ITGAV: variants seen among roughly 807,000 people sequenced by gnomAD.
ITGAV encodes the protein integrin alpha-V.
Under a neutral mutation model 143.8 loss-of-function variants are expected in ITGAV, and 76 were observed. That is an observed-to-expected ratio of 0.53 (90% CI 0.44 to 0.64). The LOEUF (loss-of-function observed/expected upper bound fraction) is 0.64, where lower values mean the gene tolerates loss of function less well. Ranked by LOEUF, ITGAV falls within the 30% of genes least tolerant of loss-of-function variation. The probability of loss-of-function intolerance (pLI) is 0.00; values close to 1 mark genes in which losing one functional copy is unlikely to be tolerated. For synonymous variants in ITGAV, 453 were observed against 446.7 expected (o/e 1.01, Z -0.18); for missense variants, 1,193 against 1,274.7 (o/e 0.94, Z 0.98).
intron 5 of ITGAV, among the ~76,000 whole-genome samples, chr2:186,632,916 C>G (rs1481471131): frequency 6.6e-6 from 1 of 151,662 alleles, no homozygotes; most frequent in Non-Finnish European, 1.5e-5. Flanking sequence ...AGAAAAGATA[C>G]AGTGAAAACC....
At chr2:186,624,502 G>A (rs933141112) in intron 3 of ITGAV, among the ~76,000 whole-genome samples, 25 of 152,168 alleles carry the variant, frequency 1.6e-4, no homozygotes, top group Admixed American at 1.2e-3. Context: ...GGAGCGTCAA[G>A]TACGTGTAGA....
intron 10 of ITGAV, among the ~76,000 whole-genome samples, chr2:186,640,680 A>G (rs534192557): frequency 2.0e-5 from 3 of 152,298 alleles, no homozygotes; most frequent in East Asian, 3.9e-4. Flanking sequence ...AAGGATATAC[A>G]TGTAATATAT....
intron 4 of ITGAV, among the ~76,000 whole-genome samples, chr2:186,627,501 C>A (rs1028527101): frequency 6.6e-6 from 1 of 152,166 alleles, no homozygotes; most frequent in Non-Finnish European, 1.5e-5. Flanking sequence ...AACATGCGTT[C>A]TAACAATGAT....
Position 186,677,310 on chromosome 2 carries a change from T to G in ITGAV, c.*18T>G. 1.3e-6 allele frequency: 2 copies of G among 1,566,226 alleles called. No homozygotes were observed. Among genetic ancestry groups the G allele is most frequent in the Non-Finnish European group, 1.8e-6 (2 of 1,138,626 alleles). On this transcript the variant is annotated 3_prime_UTR_variant, in exon 30 of 30. Coordinates refer to ENST00000261023, the MANE Select transcript of ITGAV (RefSeq NM_002210.5). Reference sequence around the variant, plus strand: ...AAACTTAACTGCAGTTTTTAAGTTATGCTACATCTTGACCCACTAGAATTA... The same window carrying G: ...AAACTTAACTGCAGTTTTTAAGTTAGGCTACATCTTGACCCACTAGAATTA...
intron 26 of ITGAV, among the ~76,000 whole-genome samples, chr2:186,671,581 A>G (rs1017933888): frequency 2.6e-5 from 4 of 152,162 alleles, no homozygotes; most frequent in Non-Finnish European, 5.9e-5. Flanking sequence ...TTGATCTTGC[A>G]CTTTCTGTCC....
chr2:186,632,194 T>G (rs1195431409), intron 5 of ITGAV, among the ~76,000 whole-genome samples: 1 of 152,136 alleles, frequency 6.6e-6, no homozygotes, highest in African/African-American at 2.4e-5. Flanking sequence ...CAAAGAGAGA[T>G]AAAGTATATT....
rs372915203 is a variant in ITGAV at position 186,609,970 on chromosome 2, A to G, written c.316+7819A>G. 9.9e-5 allele frequency among the ~76,000 whole-genome samples: 15 copies of G among 152,216 alleles called. No individual in the cohort carries two copies. The East Asian group carries it at 2.7e-3, about 27-fold the overall frequency. ...TTTACCATTAAATCTTAATGCATAT[A>G]GAGTATTATATTAGAGATAGAAGGA... On this transcript the variant is annotated intron_variant, in intron 2 of 29. Transcript: ENST00000261023.
At chr2:186,657,160 C>CA (rs375562439) in intron 17 of ITGAV, among the ~76,000 whole-genome samples, 3 of 152,118 alleles carry the variant, frequency 2.0e-5, no homozygotes, top group African/African-American at 7.2e-5. Context: ...TTTGGGAGGC[C>CA]AAAGCAGGAG....
intron 4 of ITGAV, among the ~76,000 whole-genome samples, chr2:186,628,716 C>CTAGCCACT (rs1474542956): frequency 1.3e-5 from 2 of 152,058 alleles, no homozygotes; most frequent in Admixed American, 6.6e-5. Context: ...TCTAAATTGC[C>CTAGCCACT]TAGCCACTTT....
chr2:186,674,951 A>G (rs186099141), intron 26 of ITGAV, among the ~76,000 whole-genome samples: 9 of 152,328 alleles, frequency 5.9e-5, no homozygotes, highest in Admixed American at 2.0e-4. Context: ...CTTTTTATCA[A>G]TGCCCTTTCT....
At chr2:186,670,455 C>T (rs188257336) in intron 26 of ITGAV, among the ~76,000 whole-genome samples, 1 of 152,232 alleles carries the variant, frequency 6.6e-6, no homozygotes, top group Non-Finnish European at 1.5e-5. Context: ...CGCTCTCCCC[C>T]ATGCCCAGCT....
intron 15 of ITGAV, among the ~76,000 whole-genome samples, chr2:186,652,314 A>G (rs1688457661): frequency 1.3e-5 from 2 of 152,094 alleles, no homozygotes; most frequent in African/African-American, 4.8e-5. Flanking sequence ...CTTGGCCTTT[A>G]TAGTAGCTGG....
At chr2:186,641,786 G>A in intron 12 of ITGAV, 198 bp downstream of exon 12, 2 of 575,800 alleles carry the variant, frequency 3.5e-6, no homozygotes, top group South Asian at 4.3e-5. Context: ...TTCAATAATG[G>A]ACTCTCATGA....
At chr2:186,676,965 A>G (rs770230023) in intron 29 of ITGAV, 30 bp downstream of exon 29, 2 of 1,604,250 alleles carry the variant, frequency 1.2e-6, no homozygotes. Context: ...AGAAGGAGAG[A>G]GGGAAAGCAG....
At chr2:186,655,694 A>G (rs559456378) in intron 16 of ITGAV, among the ~76,000 whole-genome samples, 17 of 152,344 alleles carry the variant, frequency 1.1e-4, no homozygotes, top group African/African-American at 1.7e-4. Flanking sequence ...TCCTTTTACA[A>G]TGATTCTTGA....
intron 3 of ITGAV, 148 bp downstream of exon 3, chr2:186,622,578 C>T (rs902004013): frequency 9.9e-6 from 6 of 604,530 alleles, no homozygotes; most frequent in Non-Finnish European, 1.5e-5. Context: ...TCAAAGGCCA[C>T]TCTGTCCAAG....
intron 3 of ITGAV, 110 bp from the exon 4 acceptor site, chr2:186,625,363 C>T (rs1687643281): frequency 3.0e-6 from 2 of 671,414 alleles, no homozygotes; most frequent in East Asian, 2.7e-5. Flanking sequence ...CAGACTGAGA[C>T]CCCATCTCAA....
chr2:186,652,678 C>T (rs1336219412), intron 15 of ITGAV, among the ~76,000 whole-genome samples: 1 of 151,988 alleles, frequency 6.6e-6, no homozygotes, highest in Non-Finnish European at 1.5e-5. Flanking sequence ...TATGTAATTC[C>T]AAACAGGCCC....
rs944225448 is a variant in ITGAV at position 186,635,222 on chromosome 2, G to A, written c.632-860G>A. On this transcript the variant is annotated intron_variant, in intron 6 of 29. Coordinates refer to ENST00000261023, the MANE Select transcript of ITGAV (RefSeq NM_002210.5). ...AGCAGATGTCACCCTGGATAAGTAC[G>A]TTAGAATGAATTTTTTCACAGATCT... Among the ~76,000 whole-genome samples, 6 of 152,282 alleles carry A rather than the reference G, an allele frequency of 3.9e-5. No homozygotes were observed. The East Asian group carries it at 5.8e-4, about 15-fold the overall frequency.
Sources: gnomAD v4.1 joint callset for allele counts (sites outside exome capture counted in the v4.1 genomes callset) on GRCh38, gnomAD v4.1.1 for gene constraint, MANE v1.5 for transcripts, NCBI Gene and HGNC (gene_info 2026-07-23, HGNC 2026-07-21) for gene names.